BBX: variants seen among roughly 807,000 people sequenced by gnomAD.
The protein encoded by BBX is BBX high mobility group box domain containing.
A neutral mutation model predicts 100.2 loss-of-function variants in BBX; 30 were observed. The ratio of observed to expected loss-of-function variants is 0.30; its 90% CI spans 0.22 to 0.41. BBX has a LOEUF of 0.41. BBX is among the 10% of genes least tolerant of loss of function. BBX has a pLI of 1.00. For synonymous variants in BBX, 376 were observed against 388.1 expected, an observed-to-expected ratio of 0.97 and a Z score of 0.37; for missense variants, 1,023 against 1,129.8, an observed-to-expected ratio of 0.91 and a Z score of 1.35.
intron 10 of BBX, among the ~76,000 whole-genome samples, chr3:107,765,686 C>T (rs2066332674): frequency 6.6e-6 from 1 of 152,288 alleles, no homozygotes; most frequent in Admixed American, 6.5e-5. Context: ...CAGTGACCAC[C>T]GATGGCTGCC....
At chr3:107,620,931 G>A (rs660035) in intron 2 of BBX, among the ~76,000 whole-genome samples, 35,819 of 121,648 alleles carry the variant, frequency 0.29, 5,891 homozygotes, top group East Asian at 0.87. Context: ...TGATTTCTGC[G>A]GAGTGTGTGT....
intron 5 of BBX, among the ~76,000 whole-genome samples, chr3:107,724,317 A>C (rs1388642311): frequency 6.6e-6 from 1 of 152,190 alleles, no homozygotes; most frequent in Non-Finnish European, 1.5e-5. Flanking sequence ...GCCCTTTGTC[A>C]GATGAGTAGA....
chr3:107,553,704 G>A (rs1180386056), intron 2 of BBX, among the ~76,000 whole-genome samples: 2 of 152,176 alleles, frequency 1.3e-5, no homozygotes, highest in African/African-American at 4.8e-5. Flanking sequence ...AAGTCACTGA[G>A]AACTTGAGGT....
chr3:107,584,010 ATT>A lies in BBX; in HGVS notation c.-84+57613_-84+57614del, dbSNP rs1485556507. ...TATATATTATTATATTATTATATATATTATACATATTATTATATATATTAATT... is the reference window on the plus strand; with the variant it reads ...TATATATTATTATATTATTATATATAATACATATTATTATATATATTAATT... On this transcript the variant is annotated intron_variant, in intron 2 of 17. Transcript: ENST00000325805. Among the ~76,000 whole-genome samples, 26 of 82,286 alleles carry A rather than the reference ATT, an allele frequency of 3.2e-4. 2 individuals are homozygous for A. The highest frequency in any genetic ancestry group is 1.3e-3 in the African/African-American group (25 of 19,630). The allele number at this position is 82,286 out of a possible 152,430, so 54.0% of individuals were successfully genotyped here. A position where few individuals can be genotyped will look rare whatever the true frequency, so the allele number is the denominator to read the frequency against.
At chr3:107,705,404 A>G (rs2061336119) in intron 3 of BBX, among the ~76,000 whole-genome samples, 1 of 152,202 alleles carries the variant, frequency 6.6e-6, no homozygotes, top group Admixed American at 6.5e-5. Flanking sequence ...TTTAATGATT[A>G]AAGTGTAACT....
intron 2 of BBX, among the ~76,000 whole-genome samples, chr3:107,588,432 G>A (rs1451759944): frequency 6.6e-6 from 1 of 152,172 alleles, no homozygotes; most frequent in East Asian, 1.9e-4. Flanking sequence ...ATTTCATGCT[G>A]GAGACAAGCC....
intron 7 of BBX, among the ~76,000 whole-genome samples, chr3:107,743,851 A>G (rs982237549): frequency 6.6e-6 from 1 of 151,446 alleles, no homozygotes; most frequent in African/African-American, 2.4e-5. Flanking sequence ...AAGAATATAT[A>G]AGAGTATTAA....
At chr3:107,590,116 A>G (rs2053192999) in intron 2 of BBX, among the ~76,000 whole-genome samples, 1 of 152,180 alleles carries the variant, frequency 6.6e-6, no homozygotes, top group South Asian at 2.1e-4. Flanking sequence ...AAATATTTTT[A>G]TAAATAATCA....
chr3:107,691,883 T>G (rs2060191863), intron 3 of BBX, among the ~76,000 whole-genome samples: 1 of 152,202 alleles, frequency 6.6e-6, no homozygotes, highest in Non-Finnish European at 1.5e-5. Flanking sequence ...CGCTAAACAC[T>G]ATACTACTTA....
intron 10 of BBX, among the ~76,000 whole-genome samples, chr3:107,761,361 C>A (rs562433583): frequency 6.6e-6 from 1 of 152,144 alleles, no homozygotes; most frequent in South Asian, 2.1e-4. Context: ...AGATTTGGGA[C>A]GGTGTTACAC....
At chr3:107,552,221 G>A (rs1159846819) in intron 2 of BBX, among the ~76,000 whole-genome samples, 1 of 151,528 alleles carries the variant, frequency 6.6e-6, no homozygotes, top group African/African-American at 2.4e-5. Flanking sequence ...GCCCACACCT[G>A]TACTCCCAGC....
intron 2 of BBX, among the ~76,000 whole-genome samples, chr3:107,560,037 C>T (rs2050368239): frequency 6.6e-6 from 1 of 152,164 alleles, no homozygotes; most frequent in Non-Finnish European, 1.5e-5. Flanking sequence ...AGTTACCACA[C>T]TGGGCCAGGA....
intron 3 of BBX, among the ~76,000 whole-genome samples, chr3:107,664,715 C>T (rs1323437911): frequency 6.6e-6 from 1 of 152,212 alleles, no homozygotes. Context: ...TAAATGAAAA[C>T]TGTCAGCTGT....
At chr3:107,779,490 G>A (rs568289043) in intron 13 of BBX, among the ~76,000 whole-genome samples, 1 of 152,172 alleles carries the variant, frequency 6.6e-6, no homozygotes, top group South Asian at 2.1e-4. Flanking sequence ...GAACTTGGGT[G>A]GCTGGGCTGT....
Position 107,741,317 on chromosome 3 carries a change from C to G in BBX, c.670-3313C>G, listed in dbSNP as rs566805425. 2.6e-5 allele frequency among the ~76,000 whole-genome samples: 4 copies of G among 152,108 alleles called. No individual in the cohort carries two copies. The South Asian group carries it at 6.2e-4, about 24-fold the overall frequency. ...GTATTCAATTTCACTATGTGAATTG[C>G]TCCTGTGAAAAAAACTGCATTATTG... is the stretch of plus-strand genomic sequence containing the variant. On this transcript the variant is annotated intron_variant, in intron 7 of 17. Coordinates refer to ENST00000325805, the MANE Select transcript of BBX (RefSeq NM_001142568.3).
intron 2 of BBX, among the ~76,000 whole-genome samples, chr3:107,548,124 T>C (rs2049376755): frequency 6.6e-6 from 1 of 152,190 alleles, no homozygotes; most frequent in South Asian, 2.1e-4. Flanking sequence ...AGACAACTCC[T>C]GTTTGAATGT....
intron 10 of BBX, among the ~76,000 whole-genome samples, chr3:107,769,869 C>A (rs563402329): frequency 6.6e-6 from 1 of 152,090 alleles, no homozygotes; most frequent in African/African-American, 2.4e-5. Context: ...TAGAGTGACG[C>A]CCAACTCTGA....
chr3:107,754,620 C>T (rs570153044), intron 9 of BBX, among the ~76,000 whole-genome samples: 1 of 152,270 alleles, frequency 6.6e-6, no homozygotes, highest in South Asian at 2.1e-4. Flanking sequence ...CTGGAGCTAA[C>T]AACTTCGTAG....
chr3:107,659,919 G>T (rs1270565248), intron 3 of BBX: 1 of 345,404 alleles, frequency 2.9e-6, no homozygotes, highest in Non-Finnish European at 5.3e-6. Context: ...TGAAGTAGTA[G>T]GGTGAATCTC....
Sources: gnomAD v4.1 joint callset for allele counts (sites outside exome capture counted in the v4.1 genomes callset) on GRCh38, gnomAD v4.1.1 for gene constraint, MANE v1.5 for transcripts, NCBI Gene and HGNC (gene_info 2026-07-23, HGNC 2026-07-21) for gene names.